Variants in CPNE8 observed in about 807,000 individuals in gnomAD.
CPNE8 encodes copine 8.
CPNE8 carries 45 observed loss-of-function variants against 81.5 expected under a neutral mutation model. The ratio of observed to expected loss-of-function variants is 0.55; its 90% CI spans 0.44 to 0.71. The LOEUF is 0.71. Among genes scored for constraint, CPNE8 ranks in the 30% least tolerant of loss-of-function variants. CPNE8 has a pLI of 0.00. For synonymous variants in CPNE8, 252 were observed against 226.3 expected, an observed-to-expected ratio of 1.11 and a Z score of -1.02; for missense variants, 594 against 672.1, an observed-to-expected ratio of 0.88 and a Z score of 1.28.
intron 16 of CPNE8, among the ~76,000 whole-genome samples, chr12:38,678,564 A>G (rs1592004646): frequency 1.3e-5 from 2 of 151,928 alleles, no homozygotes; most frequent in South Asian, 2.1e-4. Context: ...TTCCTTTACA[A>G]TCTTAAGGAG....
intron 13 of CPNE8, among the ~76,000 whole-genome samples, chr12:38,715,263 C>T (rs1289120125): frequency 6.6e-6 from 1 of 151,976 alleles, no homozygotes; most frequent in African/African-American, 2.4e-5. Context: ...AATGTTTTAC[C>T]AAATTAATGT....
intron 3 of CPNE8, among the ~76,000 whole-genome samples, chr12:38,858,288 G>A (rs1309430447): frequency 2.6e-5 from 4 of 152,204 alleles, no homozygotes; most frequent in Admixed American, 6.5e-5. Flanking sequence ...CAGTTCCGTC[G>A]AGCCCCAAAA....
intron 10 of CPNE8, among the ~76,000 whole-genome samples, chr12:38,759,108 C>A (rs1189758184): frequency 6.6e-6 from 1 of 152,152 alleles, no homozygotes; most frequent in Non-Finnish European, 1.5e-5. Context: ...GAGACAAGTT[C>A]TATTTAGAAA....
At chr12:38,727,039 G>A (rs1179645187) in intron 11 of CPNE8, among the ~76,000 whole-genome samples, 2 of 152,170 alleles carry the variant, frequency 1.3e-5, no homozygotes, top group East Asian at 3.9e-4. Context: ...ATGGACTAGG[G>A]AAGTCACTTT....
chr12:38,697,870 T>C (rs975145396), intron 14 of CPNE8, among the ~76,000 whole-genome samples: 27 of 152,192 alleles, frequency 1.8e-4, no homozygotes, highest in African/African-American at 5.5e-4. Context: ...TCCATCATGA[T>C]TGAAAGCTTC....
intron 6 of CPNE8, among the ~76,000 whole-genome samples, chr12:38,794,906 G>A (rs1051811419): frequency 5.9e-5 from 9 of 152,138 alleles, no homozygotes; most frequent in African/African-American, 2.2e-4. Context: ...AATGAGACTG[G>A]GCACCATCCA....
intron 6 of CPNE8, among the ~76,000 whole-genome samples, chr12:38,787,009 G>A (rs1174708232): frequency 1.3e-5 from 2 of 152,200 alleles, no homozygotes; most frequent in East Asian, 1.9e-4. Flanking sequence ...AATAATAGCT[G>A]AAGACTTGAA....
intron 13 of CPNE8, among the ~76,000 whole-genome samples, chr12:38,707,292 C>T (rs146010268): frequency 0.012 from 1,864 of 152,142 alleles, 29 homozygotes; most frequent in Middle Eastern, 0.041. Flanking sequence ...CCAGCTTGTG[C>T]GACAGAGTGA....
chr12:38,798,713 G>C (rs1032898999), intron 6 of CPNE8, among the ~76,000 whole-genome samples: 1 of 151,974 alleles, frequency 6.6e-6, no homozygotes, highest in Non-Finnish European at 1.5e-5. Flanking sequence ...AACTTTAAAT[G>C]AAAATGGACT....
At chr12:38,770,977 A>G (rs1443409041) in intron 7 of CPNE8, among the ~76,000 whole-genome samples, 1 of 151,938 alleles carries the variant, frequency 6.6e-6, no homozygotes, top group Non-Finnish European at 1.5e-5. Context: ...CCCACAAACT[A>G]TGTGTTCATT....
At chr12:38,693,188 A>C (rs956147851) in intron 15 of CPNE8, among the ~76,000 whole-genome samples, 1 of 152,172 alleles carries the variant, frequency 6.6e-6, no homozygotes, top group Non-Finnish European at 1.5e-5. Context: ...AGATCTAAGG[A>C]ATTCAAAAGA....
At chr12:38,833,695 G>C (rs535903514) in intron 5 of CPNE8, among the ~76,000 whole-genome samples, 1 of 151,874 alleles carries the variant, frequency 6.6e-6, no homozygotes, top group African/African-American at 2.4e-5. Flanking sequence ...AGCCAGGATG[G>C]TCTCGATCTC....
At chr12:38,712,892 C>T (rs1940296002) in intron 13 of CPNE8, among the ~76,000 whole-genome samples, 1 of 152,080 alleles carries the variant, frequency 6.6e-6, no homozygotes, top group African/African-American at 2.4e-5. Context: ...TCTCTTATAA[C>T]TAGGGCAATT....
At chr12:38,781,765 T>A (rs1942057825) in intron 6 of CPNE8, among the ~76,000 whole-genome samples, 1 of 152,066 alleles carries the variant, frequency 6.6e-6, no homozygotes, top group Non-Finnish European at 1.5e-5. Flanking sequence ...GTATTCCTGA[T>A]AAGATGTAAG....
intron 1 of CPNE8, among the ~76,000 whole-genome samples, chr12:38,902,323 A>G (rs57347339): frequency 0.17 from 9,049 of 54,588 alleles, 494 homozygotes; most frequent in African/African-American, 0.2. Context: ...AAGGAAAGAA[A>G]GAAAGAAAGA....
chr12:38,756,623 C>CAA (rs1173469299), intron 10 of CPNE8, among the ~76,000 whole-genome samples: 1 of 152,144 alleles, frequency 6.6e-6, no homozygotes, highest in Non-Finnish European at 1.5e-5. Context: ...AGCACATTGC[C>CAA]TTATTGGTTT....
chr12:38,714,623 C>T (rs1940342564), intron 13 of CPNE8, among the ~76,000 whole-genome samples: 1 of 151,306 alleles, frequency 6.6e-6, no homozygotes, highest in Non-Finnish European at 1.5e-5. Flanking sequence ...AAACACAGCA[C>T]TGCTTATCAA....
chr12:38,779,187 T>C (rs1941995138), intron 6 of CPNE8, among the ~76,000 whole-genome samples: 1 of 152,166 alleles, frequency 6.6e-6, no homozygotes, highest in Non-Finnish European at 1.5e-5. Flanking sequence ...CAAAGATCTT[T>C]ATAAATGCTC....
At chr12:38,664,805 C>T (rs1003530009) in intron 19 of CPNE8, among the ~76,000 whole-genome samples, 1 of 152,072 alleles carries the variant, frequency 6.6e-6, no homozygotes, top group African/African-American at 2.4e-5. Context: ...GTATACATCA[C>T]ATTTAGCTTA....
Sources: gnomAD v4.1 joint callset for allele counts (sites outside exome capture counted in the v4.1 genomes callset) on GRCh38, gnomAD v4.1.1 for gene constraint, MANE v1.5 for transcripts, NCBI Gene and HGNC (gene_info 2026-07-23, HGNC 2026-07-21) for gene names.